Variants in OR9Q1 observed in about 807,000 individuals in gnomAD.
OR9Q1 encodes the protein olfactory receptor family 9 subfamily Q member 1.
For missense variants in OR9Q1, 374 were observed against 378.8 expected (o/e 0.99, Z 0.11); for synonymous variants, 153 against 148.6 (o/e 1.03, Z -0.22).
intron 1 of OR9Q1, among the ~76,000 whole-genome samples, chr11:58,032,880 C>T (rs2119917496): frequency 6.6e-6 from 1 of 152,130 alleles, no homozygotes; most frequent in East Asian, 1.9e-4. Context: ...GTTTAATATC[C>T]AGAATCTATA....
intron 2 of OR9Q1, among the ~76,000 whole-genome samples, chr11:58,075,142 A>G (rs936755367): frequency 6.6e-6 from 1 of 152,208 alleles, no homozygotes; most frequent in African/African-American, 2.4e-5. Context: ...AATTCTGTGA[A>G]GAAAGTCAAT....
chr11:58,115,412 A>G (rs1338920216), intron 2 of OR9Q1, among the ~76,000 whole-genome samples: 1 of 152,200 alleles, frequency 6.6e-6, no homozygotes, highest in African/African-American at 2.4e-5. Flanking sequence ...CTCATCTGGT[A>G]TATGCATGTT....
At chr11:58,096,705 T>C (rs1009470007) in intron 2 of OR9Q1, among the ~76,000 whole-genome samples, 13 of 73,324 alleles carry the variant, frequency 1.8e-4, no homozygotes, top group South Asian at 4.7e-4. Flanking sequence ...GACAGTCTCT[T>C]TTTTTTTTTT....
In OR9Q1 at chr11:58,092,285, C is replaced by G. The variant is rs115707937; in HGVS notation, c.-15+36338C>G. Among the ~76,000 whole-genome samples, 1,266 of 151,676 alleles carry G rather than the reference C, an allele frequency of 8.3e-3. 16 individuals carry two copies. The highest frequency in any genetic ancestry group is 0.029 in the African/African-American group (1,187 of 41,380). On this transcript the variant is annotated intron_variant, in intron 2 of 2. Coordinates refer to ENST00000335397, the MANE Select transcript of OR9Q1 (RefSeq NM_001005212.4). ...TTAGAGCGGCTGGTACCAGTTTTTCCTTTCCACATTTAGTGCTTTTTAAAT... is the reference window on the plus strand; with the variant it reads ...TTAGAGCGGCTGGTACCAGTTTTTCGTTTCCACATTTAGTGCTTTTTAAAT...
At chr11:58,167,765 G>C (rs1254764595) in intron 2 of OR9Q1, among the ~76,000 whole-genome samples, 3 of 152,116 alleles carry the variant, frequency 2.0e-5, no homozygotes, top group Non-Finnish European at 4.4e-5. Context: ...ATCCTCCAAC[G>C]GGCTAGCCCA....
At chr11:58,071,756 A>AT (rs756211626) in intron 2 of OR9Q1, among the ~76,000 whole-genome samples, 42 of 152,304 alleles carry the variant, frequency 2.8e-4, no homozygotes, top group Non-Finnish European at 4.3e-4. Context: ...TTATTTAGAG[A>AT]TTTTTAGTAA....
At chr11:58,048,886 A>G (rs1853249160) in intron 1 of OR9Q1, among the ~76,000 whole-genome samples, 1 of 78,812 alleles carries the variant, frequency 1.3e-5, no homozygotes, top group Non-Finnish European at 2.4e-5. Context: ...CTCTCCCAAG[A>G]CTAAACCAGG....
At chr11:58,054,290 A>G (rs1041598333) in intron 1 of OR9Q1, among the ~76,000 whole-genome samples, 1 of 152,182 alleles carries the variant, frequency 6.6e-6, no homozygotes, top group Non-Finnish European at 1.5e-5. Context: ...AGAGGTGGTC[A>G]TCTTTTCCAG....
At chr11:58,095,119 C>G (rs754752801) in intron 2 of OR9Q1, among the ~76,000 whole-genome samples, 16 of 152,152 alleles carry the variant, frequency 1.1e-4, no homozygotes, top group Non-Finnish European at 2.4e-4. Flanking sequence ...AAAAACTGAC[C>G]AAACCACTGT....
At chr11:58,052,610 GA>G (rs1251392586) in intron 1 of OR9Q1, among the ~76,000 whole-genome samples, 1 of 4,636 alleles carries the variant, frequency 2.2e-4, no homozygotes, top group African/African-American at 3.8e-4. Context: ...TAAAAAAAAA[GA>G]AAAAAAGGAA....
intron 1 of OR9Q1, chr11:58,031,980 A>G: frequency 1.2e-6 from 1 of 824,680 alleles, no homozygotes. Context: ...TTAAGCTGAG[A>G]CCAAATCAAG....
At chr11:58,156,970 A>G (rs1565092720) in intron 2 of OR9Q1, among the ~76,000 whole-genome samples, 1 of 152,162 alleles carries the variant, frequency 6.6e-6, no homozygotes, top group East Asian at 1.9e-4. Flanking sequence ...ATAATAAAGC[A>G]TTTTTCTTAA....
chr11:58,166,110 G>T (rs911775372), intron 2 of OR9Q1, among the ~76,000 whole-genome samples: 1 of 152,164 alleles, frequency 6.6e-6, no homozygotes, highest in Admixed American at 6.5e-5. Flanking sequence ...ATGGGATCTG[G>T]TTAAATACAT....
chr11:58,156,529 T>C (rs1377748476), intron 2 of OR9Q1, among the ~76,000 whole-genome samples: 1 of 152,230 alleles, frequency 6.6e-6, no homozygotes, highest in Non-Finnish European at 1.5e-5. Context: ...ATGGTTTTCT[T>C]GGTTAGTGAG....
chr11:58,164,664 T>C (rs17461998), intron 2 of OR9Q1, among the ~76,000 whole-genome samples: 37,779 of 152,110 alleles, frequency 0.25, 4,862 homozygotes, highest in Non-Finnish European at 0.27. Context: ...CCCAGGTGCT[T>C]TCAGCAATAT....
chr11:58,118,426 T>C (rs146791149), intron 2 of OR9Q1: 1 of 964,464 alleles, frequency 1.0e-6, no homozygotes, highest in Non-Finnish European at 1.6e-6. Flanking sequence ...AGGTTGCATA[T>C]AGTAATGGTG....
intron 1 of OR9Q1, among the ~76,000 whole-genome samples, chr11:58,038,683 A>G (rs1282464007): frequency 6.6e-6 from 1 of 152,164 alleles, no homozygotes; most frequent in African/African-American, 2.4e-5. Flanking sequence ...TCAGAACCCT[A>G]CAGTTTTCTG....
At chr11:58,118,292 T>C (rs1853978935) in intron 2 of OR9Q1, 3 of 504,800 alleles carry the variant, frequency 5.9e-6, no homozygotes, top group Middle Eastern at 5.2e-4. Flanking sequence ...AGGAATGGAT[T>C]GAAAGTGGAA....
At chr11:58,089,273 T>A (rs966421625) in intron 2 of OR9Q1, among the ~76,000 whole-genome samples, 1 of 151,814 alleles carries the variant, frequency 6.6e-6, no homozygotes, top group Admixed American at 6.6e-5. Flanking sequence ...GTTTTTATGG[T>A]TTTGGGTTTT....
Sources: gnomAD v4.1 joint callset for allele counts (sites outside exome capture counted in the v4.1 genomes callset) on GRCh38, gnomAD v4.1.1 for gene constraint, MANE v1.5 for transcripts, NCBI Gene and HGNC (gene_info 2026-07-23, HGNC 2026-07-21) for gene names.